Variants in HPSE2 observed in about 807,000 individuals in gnomAD.
HPSE2 encodes the protein heparanase 2 (inactive).
In HPSE2, 38 loss-of-function variants were observed where a neutral mutation model predicts 60.5. That is an observed-to-expected ratio of 0.63 (90% CI 0.48 to 0.82). HPSE2 has a LOEUF of 0.82. Among genes scored for constraint, HPSE2 ranks in the 40% least tolerant of loss-of-function variants. The pLI, the probability that HPSE2 is intolerant of heterozygous loss-of-function variation, is 0.00. For synonymous variants in HPSE2, 295 were observed against 293.2 expected, an observed-to-expected ratio of 1.01 and a Z score of -0.06; for missense variants, 713 against 740.4, an observed-to-expected ratio of 0.96 and a Z score of 0.43.
chr10:98,926,014 C>A (rs1590089348), intron 3 of HPSE2, among the ~76,000 whole-genome samples: 1 of 151,920 alleles, frequency 6.6e-6, no homozygotes, highest in African/African-American at 2.4e-5. Flanking sequence ...TTTTAGTTAC[C>A]CTTAATAGGA....
intron 3 of HPSE2, chr10:99,047,977 C>T: frequency 2.8e-6 from 2 of 714,844 alleles, no homozygotes; most frequent in Admixed American, 3.9e-5. Flanking sequence ...CGTTTCTTTG[C>T]CTTCATCAAG....
At chr10:99,119,092 A>AGAGAGAGGGAGGGAGG (rs1554892747) in intron 3 of HPSE2, among the ~76,000 whole-genome samples, 1 of 41,610 alleles carries the variant, frequency 2.4e-5, no homozygotes, top group Non-Finnish European at 8.8e-5. Context: ...AAAGAAAGAG[A>AGAGAGAGGGAGGGAGG]GAGAGAGGGA....
intron 9 of HPSE2, among the ~76,000 whole-genome samples, chr10:98,506,147 G>T (rs1942192257): frequency 6.6e-6 from 1 of 151,970 alleles, no homozygotes; most frequent in South Asian, 2.1e-4. Flanking sequence ...AACTGAAAAA[G>T]AACTCCTTCC....
intron 6 of HPSE2, among the ~76,000 whole-genome samples, chr10:98,654,210 T>C (rs1433999918): frequency 6.6e-6 from 1 of 152,196 alleles, no homozygotes; most frequent in African/African-American, 2.4e-5. Context: ...CAGTGTTCCC[T>C]GAGCTTCCTG....
chr10:98,741,287 C>A (rs1372076707), intron 4 of HPSE2, among the ~76,000 whole-genome samples: 1 of 151,894 alleles, frequency 6.6e-6, no homozygotes, highest in African/African-American at 2.4e-5. Flanking sequence ...AATGACAGTG[C>A]CCTTTCTCCT....
intron 11 of HPSE2, among the ~76,000 whole-genome samples, chr10:98,468,397 A>G (rs1360519717): frequency 3.4e-5 from 4 of 117,586 alleles, no homozygotes; most frequent in African/African-American, 1.1e-4. Context: ...CACGGGGGCA[A>G]TTACTTCAAG....
In HPSE2 at chr10:98,609,839, C is replaced by CTTCTTCT. The variant is rs1554953086; in HGVS notation, c.1320+5064_1320+5065insAGAAGAA. Among the ~76,000 whole-genome samples the CTTCTTCT allele has an allele frequency of 4.0e-4, 50 of 126,176 alleles. 1 individual carries two copies. The highest frequency in any genetic ancestry group is 2.1e-3 in the Admixed American group (26 of 12,456). 82.8% of individuals were successfully genotyped at this position (126,176 alleles called of 152,430 possible). ...ATTAGGTGGTGTTCTTCTTCTTCTT[C>CTTCTTCT]TTTTTTTTTTTTTTTTTTTTGAGAC... On this transcript the variant is annotated intron_variant, in intron 9 of 11. Coordinates refer to ENST00000370552, the MANE Select transcript of HPSE2 (RefSeq NM_021828.5).
intron 2 of HPSE2, among the ~76,000 whole-genome samples, chr10:99,162,100 T>C (rs1309904952): frequency 2.0e-5 from 3 of 152,176 alleles, no homozygotes; most frequent in Admixed American, 6.5e-5. Context: ...TGGAGATGGA[T>C]GGTGGCAATG....
At position 99,130,206 on chromosome 10, in the gene HPSE2, A is replaced by G. The variant is rs576727398; in HGVS notation, c.610+14032T>C. Among the ~76,000 whole-genome samples the G allele has an allele frequency of 6.6e-5, 10 of 152,294 alleles. No individual in the cohort carries two copies. The South Asian group carries it at 2.1e-3, about 32-fold the overall frequency. ...CAGCTGAATTCTATTGAACATTGAA[A>G]TAATTGGTAGCAATCCTACTGACAC... On this transcript the variant is annotated intron_variant, in intron 3 of 11. Coordinates refer to ENST00000370552, the MANE Select transcript of HPSE2 (RefSeq NM_021828.5).
intron 5 of HPSE2, among the ~76,000 whole-genome samples, chr10:98,718,915 C>A (rs1246908736): frequency 6.6e-6 from 1 of 151,904 alleles, no homozygotes; most frequent in East Asian, 1.9e-4. Flanking sequence ...ATTGTATATT[C>A]CAAATAGTGA....
At chr10:98,680,246 A>C (rs536646227) in intron 6 of HPSE2, among the ~76,000 whole-genome samples, 8 of 152,340 alleles carry the variant, frequency 5.3e-5, no homozygotes, top group African/African-American at 1.9e-4. Context: ...CAAAGTTACT[A>C]TCTTGTTAGT....
At chr10:99,043,413 C>T (rs571290506) in intron 3 of HPSE2, among the ~76,000 whole-genome samples, 49 of 152,098 alleles carry the variant, frequency 3.2e-4, no homozygotes, top group Non-Finnish European at 6.2e-4. Context: ...GAATCTGGGA[C>T]CCAGGAGGAG....
At chr10:98,750,609 G>A (rs1949737030) in intron 3 of HPSE2, among the ~76,000 whole-genome samples, 1 of 152,138 alleles carries the variant, frequency 6.6e-6, no homozygotes, top group Non-Finnish European at 1.5e-5. Flanking sequence ...ATGTTTTAAA[G>A]GTTGAGCCAG....
chr10:99,077,682 T>C (rs542179766), intron 3 of HPSE2, among the ~76,000 whole-genome samples: 30 of 150,018 alleles, frequency 2.0e-4, no homozygotes, highest in African/African-American at 6.6e-4. Flanking sequence ...AATATCCATA[T>C]ATATCCATTT....
chr10:98,525,374 A>G (rs902896393), intron 9 of HPSE2, among the ~76,000 whole-genome samples: 2 of 151,874 alleles, frequency 1.3e-5, no homozygotes, highest in Non-Finnish European at 2.9e-5. Flanking sequence ...CACCCAAACA[A>G]CTCTTCGCCA....
At chr10:98,739,495 A>T (rs1477939503) in intron 4 of HPSE2, among the ~76,000 whole-genome samples, 2 of 152,138 alleles carry the variant, frequency 1.3e-5, no homozygotes, top group African/African-American at 2.4e-5. Flanking sequence ...ACATAAATAC[A>T]TCATACATTT....
intron 9 of HPSE2, among the ~76,000 whole-genome samples, chr10:98,580,766 C>T (rs1944771990): frequency 1.4e-5 from 2 of 148,052 alleles, no homozygotes; most frequent in South Asian, 4.3e-4. Context: ...GAGCTGAATA[C>T]CTATCAAGAA....
chr10:99,146,442 G>A (rs1382590283), intron 2 of HPSE2, among the ~76,000 whole-genome samples: 1 of 152,206 alleles, frequency 6.6e-6, no homozygotes, highest in Non-Finnish European at 1.5e-5. Flanking sequence ...CAGATTAAAA[G>A]AGAGAGCCTC....
At chr10:99,312,268 T>G in the HPSE2 span, among the ~76,000 whole-genome samples, 1 of 152,236 alleles carries the variant, frequency 6.6e-6, no homozygotes, top group African/African-American at 2.4e-5. Context: ...CAGCCTTCTC[T>G]TGGAACCAGA....
Sources: gnomAD v4.1 joint callset for allele counts (sites outside exome capture counted in the v4.1 genomes callset) on GRCh38, gnomAD v4.1.1 for gene constraint, MANE v1.5 for transcripts, NCBI Gene and HGNC (gene_info 2026-07-23, HGNC 2026-07-21) for gene names.